The following MME variants were observed in gnomAD, a reference collection of about 807,000 sequenced individuals.
The protein encoded by MME is membrane metalloendopeptidase.
In MME, 98 loss-of-function variants were observed where a neutral mutation model predicts 113.2. That is an observed-to-expected ratio of 0.87 (90% CI 0.74 to 1.02). MME has a LOEUF of 1.02. Ranked by LOEUF, MME falls within the 50% of genes least tolerant of loss-of-function variation. The pLI, the probability that MME is intolerant of heterozygous loss-of-function variation, is 0.00. For missense variants in MME, 836 were observed against 896.0 expected (o/e 0.93, Z 0.86); for synonymous variants, 292 against 300.6 (o/e 0.97, Z 0.30).
intron 1 of MME, among the ~76,000 whole-genome samples, chr3:155,059,971 A>T (rs1037729126): frequency 6.6e-5 from 10 of 152,192 alleles, no homozygotes; most frequent in South Asian, 2.1e-4. Flanking sequence ...AGGCAACTAA[A>T]CCCAGAGTCT....
Position 155,138,211 on chromosome 3 carries a change from T to C in MME, c.830T>C (p.Met277Thr), listed in dbSNP as rs1484224216. 6.2e-7 allele frequency: 1 copy of C among 1,613,530 alleles called. No homozygotes were observed. The highest frequency in any genetic ancestry group is 1.7e-5 in the Admixed American group (1 of 59,956). The change falls in exon 9 of 23, where the codon ATG (methionine) becomes ACG (threonine). Residue 277 changes from methionine (M) to threonine (T), a missense_variant. Transcript: ENST00000360490. ...CTTGCTTTGGAAATGAATAAAGTTA[T>C]GGAATTGGAAAAAGAAATTGCCAAT... ...NQLALEMNKV[M>T]ELEKEIANAT...
chr3:155,174,323 AGC>A (rs1712286653), intron 22 of MME, among the ~76,000 whole-genome samples: 1 of 124,624 alleles, frequency 8.0e-6, no homozygotes, highest in African/African-American at 3.1e-5. Context: ...TAACAACAGA[AGC>A]GTGTGTGTGT....
intron 7 of MME, 110 bp from the exon 8 acceptor site, chr3:155,118,636 T>G: frequency 1.3e-6 from 1 of 754,918 alleles, no homozygotes; most frequent in Non-Finnish European, 2.3e-6. Flanking sequence ...GGTCACCCCA[T>G]AAACAGCAAG....
At chr3:155,126,299 T>A (rs529961515) in intron 8 of MME, among the ~76,000 whole-genome samples, 1 of 152,230 alleles carries the variant, frequency 6.6e-6, no homozygotes, top group East Asian at 1.9e-4. Context: ...TTTAGGATTG[T>A]GTTCTTATAT....
intron 18 of MME, 127 bp downstream of exon 18, chr3:155,167,148 C>A: frequency 2.4e-6 from 3 of 1,256,834 alleles, no homozygotes; most frequent in Non-Finnish European, 3.4e-6. Context: ...ATTTTCACCA[C>A]ACTTTCAATT....
intron 22 of MME, among the ~76,000 whole-genome samples, chr3:155,179,218 T>C (rs568123301): frequency 1.3e-5 from 2 of 152,154 alleles, no homozygotes; most frequent in African/African-American, 2.4e-5. Context: ...TTTGAGGAAC[T>C]GAAGGTAGGT....
At chr3:155,057,168 A>C (rs1159742242) in intron 1 of MME, among the ~76,000 whole-genome samples, 1 of 152,104 alleles carries the variant, frequency 6.6e-6, no homozygotes, top group African/African-American at 2.4e-5. Flanking sequence ...CAACCTACAA[A>C]ATGGGAGAAA....
chr3:155,078,489 A>G (rs1714848228), upstream of MME, among the ~76,000 whole-genome samples: 2 of 152,112 alleles, frequency 1.3e-5, no homozygotes, highest in African/African-American at 4.8e-5. Context: ...AGGATGAACT[A>G]CCTTTTCTCC....
chr3:155,057,942 G>A (rs1713999812), intron 1 of MME, among the ~76,000 whole-genome samples: 1 of 151,866 alleles, frequency 6.6e-6, no homozygotes, highest in African/African-American at 2.4e-5. Flanking sequence ...TCTTATAGTT[G>A]TTGTTTTAAA....
intron 1 of MME, among the ~76,000 whole-genome samples, chr3:155,034,489 A>C (rs16824527): frequency 0.099 from 15,035 of 152,266 alleles, 1,245 homozygotes; most frequent in African/African-American, 0.23. Flanking sequence ...CAGTCTGTCT[A>C]ACTTTAGAAG....
rs549904343 is a variant in MME, at chr3:155,161,396, C to G, written c.1660+948C>G. On this transcript the variant is annotated intron_variant, in intron 17 of 22. Transcript: ENST00000360490. ...ATGATAATCTCAGCATTATTCTAAA[C>G]CATTCTTCTTATAGCTCAGAGTCTG... 1.2e-4 allele frequency among the ~76,000 whole-genome samples: 19 copies of G among 152,124 alleles called. 1 individual carries two copies. The South Asian group carries it at 1.7e-3, about 13-fold the overall frequency.
At chr3:155,167,529 A>T (rs1418237540) in intron 18 of MME, among the ~76,000 whole-genome samples, 1 of 152,100 alleles carries the variant, frequency 6.6e-6, no homozygotes, top group Non-Finnish European at 1.5e-5. Flanking sequence ...TGGAAAAATC[A>T]ATTTAGAGTT....
intron 1 of MME, among the ~76,000 whole-genome samples, chr3:155,068,236 G>A (rs975039156): frequency 3.3e-5 from 5 of 152,066 alleles, no homozygotes; most frequent in Non-Finnish European, 7.4e-5. Context: ...GTATACAAAC[G>A]GTATAGTAAC....
At chr3:155,161,025 G>A (rs3773882) in intron 17 of MME, among the ~76,000 whole-genome samples, 46,561 of 151,900 alleles carry the variant, frequency 0.31, 7,439 homozygotes, top group African/African-American at 0.38. Flanking sequence ...AAAAAATTTC[G>A]TAAGTTCGCT....
chr3:155,117,191 T>C (rs1268403111), intron 7 of MME, among the ~76,000 whole-genome samples: 4 of 152,198 alleles, frequency 2.6e-5, no homozygotes, highest in Non-Finnish European at 5.9e-5. Context: ...ATTCACCCCT[T>C]GCTTCTGCTA....
rs1723149393 is a variant in MME, at chr3:155,167,018, A to T, written c.1777A>T (p.Asn593Tyr). Residue 593 changes from asparagine (N) to tyrosine (Y), a missense_variant, in exon 18 of 23, where the codon AAT becomes TAT. Transcript: ENST00000360490. ...GHEITHGFDDNGRNFNKDGDL... is the reference protein window; with the variant it reads ...GHEITHGFDDYGRNFNKDGDL... ...CGAAATCACCCATGGCTTCGATGAC[A>T]ATGGTAAAGTGCAGTTGACATTTTC... is the stretch of plus-strand genomic sequence containing the variant. 1 of 1,613,490 alleles carries T rather than the reference A, an allele frequency of 6.2e-7. No individual in the cohort carries two copies. Among genetic ancestry groups the T allele is most frequent in the South Asian group, 1.1e-5 (1 of 91,088 alleles).
intron 3 of MME, among the ~76,000 whole-genome samples, chr3:155,103,970 T>C (rs935463341): frequency 6.6e-6 from 1 of 152,164 alleles, no homozygotes; most frequent in Admixed American, 6.6e-5. Context: ...CTGAATACAG[T>C]AGGAGCTTTA....
intron 20 of MME, among the ~76,000 whole-genome samples, chr3:155,171,875 C>T (rs972587975): frequency 2.0e-5 from 3 of 152,204 alleles, no homozygotes; most frequent in African/African-American, 7.2e-5. Context: ...TTATTGATCA[C>T]TTGACATATG....
At chr3:155,056,182 T>G (rs1472407393) in intron 1 of MME, among the ~76,000 whole-genome samples, 1 of 152,134 alleles carries the variant, frequency 6.6e-6, no homozygotes, top group Non-Finnish European at 1.5e-5. Flanking sequence ...TTTTTTAAAT[T>G]TTATTATTAT....
Sources: allele counts gnomAD v4.1 joint callset (sites outside exome capture counted in the v4.1 genomes callset), GRCh38; gene constraint gnomAD v4.1.1; transcripts MANE v1.5; gene names NCBI Gene and HGNC (gene_info 2026-07-23, HGNC 2026-07-21).